TPD52: variants seen among roughly 807,000 people sequenced by gnomAD.
TPD52 encodes tumor protein D52.
In TPD52, 17 loss-of-function variants were observed where a neutral mutation model predicts 31.3. The ratio of observed to expected loss-of-function variants is 0.54; its 90% CI spans 0.37 to 0.82. TPD52 has a LOEUF of 0.82. TPD52 is among the 40% of genes least tolerant of loss of function. The pLI is 0.00. For missense variants in TPD52, 212 were observed against 240.1 expected (o/e 0.88, Z 0.77); for synonymous variants, 83 against 89.6 (o/e 0.93, Z 0.42).
At chr8:80,096,707 C>T (rs1816771384) in intron 1 of TPD52, among the ~76,000 whole-genome samples, 1 of 152,146 alleles carries the variant, frequency 6.6e-6, no homozygotes, top group African/African-American at 2.4e-5. Flanking sequence ...CCACAAACGA[C>T]ACCCATACAG....
intron 1 of TPD52, chr8:80,080,718 G>T (rs1586255347): frequency 8.8e-7 from 1 of 1,135,354 alleles, no homozygotes; most frequent in African/African-American, 1.6e-5. Flanking sequence ...TGTTAATTTC[G>T]ATCAACAATG....
chr8:80,065,301 A>ATC (rs1554581777), intron 1 of TPD52, among the ~76,000 whole-genome samples: 1 of 93,446 alleles, frequency 1.1e-5, no homozygotes, highest in Non-Finnish European at 2.4e-5. Context: ...ATATCTATCT[A>ATC]TCTATATATA....
intron 2 of TPD52, among the ~76,000 whole-genome samples, chr8:80,055,862 C>T (rs931488892): frequency 6.6e-6 from 1 of 152,154 alleles, no homozygotes; most frequent in Non-Finnish European, 1.5e-5. Context: ...GTTATTATGC[C>T]TGTTATCAAA....
rs185272364 is a variant in TPD52 at position 80,102,829 on chromosome 8, G to T, written c.20-38236C>A. On this transcript the variant is annotated intron_variant, in intron 1 of 7. Coordinates refer to ENST00000518937, the MANE Select transcript of TPD52 (RefSeq NM_001025253.3). ...CCACTCCCAACTTGTTGGGAGGGGA[G>T]AGGGGCTTACAGTTGAATCGATTAA... Among the ~76,000 whole-genome samples the T allele has an allele frequency of 1.5e-3, 224 of 152,324 alleles. 1 individual carries two copies. Among genetic ancestry groups the T allele is most frequent in the African/African-American group, 5.2e-3 (216 of 41,572 alleles).
chr8:80,076,264 T>C (rs1188596083), intron 1 of TPD52, among the ~76,000 whole-genome samples: 1 of 152,174 alleles, frequency 6.6e-6, no homozygotes, highest in Non-Finnish European at 1.5e-5. Context: ...TAAATGCCCA[T>C]CAATGATAGA....
chr8:80,072,658 T>C lies in TPD52; in HGVS notation c.20-8065A>G, dbSNP rs147885242. On this transcript the variant is annotated intron_variant, in intron 1 of 7. Transcript: ENST00000518937. ...GTGTATATACATGTACACAGATATG[T>C]GTGTATATACATGTACACATAGATA... 1.0e-3 allele frequency among the ~76,000 whole-genome samples: 125 copies of C among 124,674 alleles called. 20 individuals carry two copies. Among genetic ancestry groups the C allele is most frequent in the Middle Eastern group, 4.7e-3 (1 of 214 alleles). The allele number at this position is 124,674 out of a possible 152,430, so 81.8% of individuals were successfully genotyped here. A position where few individuals can be genotyped will look rare whatever the true frequency, so the allele number is the denominator to read the frequency against.
chr8:80,134,545 G>C (rs1212873776), intron 1 of TPD52, among the ~76,000 whole-genome samples: 1 of 152,208 alleles, frequency 6.6e-6, no homozygotes, highest in Middle Eastern at 3.2e-3. Flanking sequence ...TCTTTCTAGA[G>C]CTGGTGGAAA....
intron 1 of TPD52, among the ~76,000 whole-genome samples, chr8:80,127,195 T>G (rs932235395): frequency 6.6e-6 from 1 of 152,054 alleles, no homozygotes; most frequent in Non-Finnish European, 1.5e-5. Context: ...TGTCAAACAA[T>G]CAATTGACTC....
chr8:80,073,739 G>T (rs928413712), intron 1 of TPD52, among the ~76,000 whole-genome samples: 1 of 152,080 alleles, frequency 6.6e-6, no homozygotes, highest in African/African-American at 2.4e-5. Flanking sequence ...TTTATATATT[G>T]CATTCTCACT....
chr8:80,064,690 A>G (rs1323106009), intron 1 of TPD52, 97 bp from the exon 2 acceptor site: 9 of 846,950 alleles, frequency 1.1e-5, no homozygotes, highest in African/African-American at 3.3e-5. Flanking sequence ...AGCCAATTAG[A>G]GTAGATCCAC....
intron 1 of TPD52, among the ~76,000 whole-genome samples, chr8:80,091,714 A>G (rs890890583): frequency 6.6e-6 from 1 of 152,194 alleles, no homozygotes; most frequent in African/African-American, 2.4e-5. Flanking sequence ...AGGCTCAGGT[A>G]AAAGATCTCC....
At chr8:80,135,121 T>C (rs1302204381) in intron 1 of TPD52, among the ~76,000 whole-genome samples, 2 of 152,142 alleles carry the variant, frequency 1.3e-5, no homozygotes, top group Non-Finnish European at 2.9e-5. Flanking sequence ...TGCATAGATA[T>C]CCCTTCAGGT....
chr8:80,129,566 ATGT>A (rs1204973817), intron 1 of TPD52, among the ~76,000 whole-genome samples: 1 of 152,060 alleles, frequency 6.6e-6, no homozygotes, highest in African/African-American at 2.4e-5. Flanking sequence ...TTCTACCTGC[ATGT>A]TGTTGTTTTA....
intron 1 of TPD52, among the ~76,000 whole-genome samples, chr8:80,066,036 A>G (rs936060475): frequency 4.1e-5 from 6 of 146,480 alleles, no homozygotes; most frequent in Non-Finnish European, 8.9e-5. Flanking sequence ...GTTCCCTGCT[A>G]CCCCCCAGGA....
intron 1 of TPD52, among the ~76,000 whole-genome samples, chr8:80,065,973 G>C (rs1240045967): frequency 1.4e-5 from 2 of 147,338 alleles, no homozygotes; most frequent in Admixed American, 1.4e-4. Flanking sequence ...CCAGGGGAAG[G>C]TTTACTCCTC....
intron 1 of TPD52, among the ~76,000 whole-genome samples, chr8:80,130,384 C>T (rs1484405596): frequency 1.3e-5 from 2 of 152,172 alleles, no homozygotes; most frequent in Non-Finnish European, 2.9e-5. Flanking sequence ...GCTCTTAGGA[C>T]CACGTTTACT....
chr8:80,144,077 A>T (rs1810027051), intron 1 of TPD52, among the ~76,000 whole-genome samples: 1 of 152,230 alleles, frequency 6.6e-6, no homozygotes, highest in African/African-American at 2.4e-5. Context: ...TTCTGTAATC[A>T]GCTTCTAAAA....
chr8:80,102,602 T>C (rs866888999), intron 1 of TPD52, among the ~76,000 whole-genome samples: 10 of 152,136 alleles, frequency 6.6e-5, no homozygotes, highest in African/African-American at 2.4e-5. Context: ...GAACATCGTG[T>C]TGTGATATTG....
At chr8:80,136,180 T>TAAAAAAAAAAAAAA (rs1217409264) in intron 1 of TPD52, among the ~76,000 whole-genome samples, 16 of 127,606 alleles carry the variant, frequency 1.3e-4, no homozygotes, top group Non-Finnish European at 2.3e-4. Context: ...TCTTTGAGGT[T>TAAAAAAAAAAAAAA]AAAAAAAAAA....
Sources: allele counts gnomAD v4.1 joint callset (sites outside exome capture counted in the v4.1 genomes callset), GRCh38; gene constraint gnomAD v4.1.1; transcripts MANE v1.5; gene names NCBI Gene and HGNC (gene_info 2026-07-23, HGNC 2026-07-21).